The following GUCY1A2 variants were observed in gnomAD, a reference collection of about 807,000 sequenced individuals.
GUCY1A2 encodes the protein guanylate cyclase soluble subunit alpha-2.
Under a neutral mutation model 63.5 loss-of-function variants are expected in GUCY1A2, and 27 were observed. The ratio of observed to expected loss-of-function variants is 0.43; its 90% CI spans 0.31 to 0.59. The LOEUF (loss-of-function observed/expected upper bound fraction) is 0.59, where lower values mean the gene tolerates loss of function less well. Ranked by LOEUF, GUCY1A2 falls within the 20% of genes least tolerant of loss-of-function variation. The pLI is 0.11. For missense variants in GUCY1A2, 768 were observed against 913.3 expected (o/e 0.84, Z 2.05); for synonymous variants, 364 against 343.5 (o/e 1.06, Z -0.66).
chr11:106,824,740 C>T, intron 4 of GUCY1A2: 1 of 1,460,916 alleles, frequency 6.8e-7, no homozygotes, highest in East Asian at 2.5e-5. Flanking sequence ...TATTTAATCT[C>T]ATGAGAAAAC....
intron 3 of GUCY1A2, among the ~76,000 whole-genome samples, chr11:106,968,691 C>T (rs116371340): frequency 1.4e-4 from 3 of 20,734 alleles, no homozygotes; most frequent in African/African-American, 3.5e-4. Flanking sequence ...TTCTAACTGC[C>T]CTTTTCTACC....
intron 4 of GUCY1A2, among the ~76,000 whole-genome samples, chr11:106,834,791 G>A (rs1352314): frequency 0.047 from 7,201 of 152,080 alleles, 254 homozygotes; most frequent in Non-Finnish European, 0.072. Context: ...GAGGGTAAAT[G>A]CCAGTCTCTG....
At position 106,896,240 on chromosome 11, in the gene GUCY1A2, A is replaced by G. The variant is rs188267568; in HGVS notation, c.1206+43220T>C. 3.7e-4 allele frequency among the ~76,000 whole-genome samples: 57 copies of G among 152,176 alleles called. 1 individual carries two copies. The highest frequency in any genetic ancestry group is 1.3e-3 in the African/African-American group (52 of 41,540). On this transcript the variant is annotated intron_variant, in intron 4 of 7. Coordinates refer to ENST00000526355, the MANE Select transcript of GUCY1A2 (RefSeq NM_000855.3). ...AAACATCACATGATCATATCAACAG[A>G]TGCATAAAAAGCATCTGACAAAATC...
intron 6 of GUCY1A2, among the ~76,000 whole-genome samples, chr11:106,740,294 T>G (rs1863671271): frequency 6.6e-6 from 1 of 152,054 alleles, no homozygotes; most frequent in Non-Finnish European, 1.5e-5. Flanking sequence ...TCAGCCACCA[T>G]GCCCGGCCTG....
chr11:106,746,581 A>T (rs1863790879), intron 6 of GUCY1A2: 1 of 1,596,522 alleles, frequency 6.3e-7, no homozygotes, highest in Non-Finnish European at 8.5e-7. Context: ...TTTCACTTTG[A>T]TGCTGATCTG....
chr11:106,756,351 A>C (rs892555129), intron 6 of GUCY1A2, among the ~76,000 whole-genome samples: 1 of 152,176 alleles, frequency 6.6e-6, no homozygotes, highest in African/African-American at 2.4e-5. Flanking sequence ...TTTTACATTT[A>C]AGGTTAATAC....
rs565883139 is a variant in GUCY1A2 at position 106,854,555 on chromosome 11, G to A, written c.1207-44077C>T. Among the ~76,000 whole-genome samples, 35 of 152,138 alleles carry A rather than the reference G, an allele frequency of 2.3e-4. 1 individual carries two copies. The highest frequency in any genetic ancestry group is 3.2e-4 in the Non-Finnish European group (22 of 68,018). On this transcript the variant is annotated intron_variant, in intron 4 of 7. Coordinates refer to ENST00000526355, the MANE Select transcript of GUCY1A2 (RefSeq NM_000855.3). ...AAATAGTGCATACAGGCAAAGCGGGGTAGTACCACGTAAGGCGGACGAACC... is the reference window on the plus strand; with the variant it reads ...AAATAGTGCATACAGGCAAAGCGGGATAGTACCACGTAAGGCGGACGAACC...
chr11:106,794,433 C>T (rs7111759), intron 5 of GUCY1A2, among the ~76,000 whole-genome samples: 144,683 of 152,058 alleles, frequency 0.95, 68,882 homozygotes, highest in East Asian at 1. Context: ...GCATGCTGAC[C>T]ATAGTAACTA....
intron 1 of GUCY1A2, among the ~76,000 whole-genome samples, chr11:107,002,251 AAT>A (rs1201002229): frequency 6.6e-6 from 1 of 151,978 alleles, no homozygotes; most frequent in African/African-American, 2.4e-5. Context: ...ATACCGACAA[AAT>A]AGAGTCCTAT....
chr11:106,778,933 C>A (rs1864409865), intron 5 of GUCY1A2, among the ~76,000 whole-genome samples: 1 of 151,532 alleles, frequency 6.6e-6, no homozygotes. Context: ...ATGCTTCCAG[C>A]ATAAATATAC....
intron 6 of GUCY1A2, among the ~76,000 whole-genome samples, chr11:106,762,040 T>C (rs1011328763): frequency 6.6e-6 from 1 of 152,170 alleles, no homozygotes; most frequent in East Asian, 1.9e-4. Flanking sequence ...TACTTCATTA[T>C]ACTTTGGGTA....
chr11:106,956,002 T>C (rs1172918560), intron 3 of GUCY1A2, among the ~76,000 whole-genome samples: 2 of 151,924 alleles, frequency 1.3e-5, no homozygotes, highest in Non-Finnish European at 2.9e-5. Context: ...TTCTTTTTTC[T>C]CTATTCTTGT....
intron 1 of GUCY1A2, among the ~76,000 whole-genome samples, chr11:107,000,301 A>T (rs1390202669): frequency 1.3e-5 from 2 of 152,150 alleles, no homozygotes; most frequent in Admixed American, 1.3e-4. Flanking sequence ...GGAAACAATA[A>T]ATCTCTCTTC....
In GUCY1A2 at chr11:106,708,615, G is replaced by C. The variant is rs1407002811; in HGVS notation, c.1888C>G (p.Arg630Gly). 1 of 1,611,310 alleles carries C rather than the reference G, an allele frequency of 6.2e-7. No homozygotes were observed. The highest frequency in any genetic ancestry group is 8.5e-7 in the Non-Finnish European group (1 of 1,178,488). The change falls in exon 7 of 8, where the codon CGA becomes GGA. Residue 630 changes from arginine to glycine, a missense_variant. By Grantham distance (125) the Arg-to-Gly change is moderately radical (BLOSUM62 -2). This residue lies in a region of GUCY1A2 where 150 missense variants were observed against 188.3 expected (regional missense o/e 0.80). Coordinates refer to ENST00000526355, the MANE Select transcript of GUCY1A2 (RefSeq NM_000855.3). ...CCAAACAGGCAATAACGTGGCATTC[G>C]CACCCCAACAACTCCAGCCAGCACG... ...GSVLAGVVGV[R>G]MPRYCLFGNN...
chr11:107,007,409 T>C (rs1861685152), intron 1 of GUCY1A2, among the ~76,000 whole-genome samples: 1 of 152,210 alleles, frequency 6.6e-6, no homozygotes, highest in Non-Finnish European at 1.5e-5. Flanking sequence ...CTTTGGATTA[T>C]TGCAGCTTTC....
At chr11:106,905,924 C>T (rs566135925) in intron 4 of GUCY1A2, among the ~76,000 whole-genome samples, 4 of 152,188 alleles carry the variant, frequency 2.6e-5, no homozygotes, top group East Asian at 3.9e-4. Context: ...CTTGCTTACA[C>T]CTTATACAAA....
chr11:107,016,844 G>C (rs1184661493), intron 1 of GUCY1A2, among the ~76,000 whole-genome samples: 1 of 152,140 alleles, frequency 6.6e-6, no homozygotes, highest in East Asian at 1.9e-4. Flanking sequence ...GAAAGCACTA[G>C]AGAATCCATT....
chr11:106,983,330 A>C (rs1861361701), intron 2 of GUCY1A2, among the ~76,000 whole-genome samples: 1 of 152,228 alleles, frequency 6.6e-6, no homozygotes, highest in Admixed American at 6.5e-5. Context: ...GGATAAATTA[A>C]GGAACAGAAT....
intron 7 of GUCY1A2, among the ~76,000 whole-genome samples, chr11:106,688,562 A>C (rs1862567915): frequency 6.6e-6 from 1 of 152,210 alleles, no homozygotes; most frequent in Non-Finnish European, 1.5e-5. Context: ...GAATATAAGA[A>C]GTGGAACACA....
Sources: gnomAD v4.1 joint callset for allele counts (sites outside exome capture counted in the v4.1 genomes callset) on GRCh38, gnomAD v4.1.1 for gene constraint, gnomAD v4.1.1 regional missense constraint, MANE v1.5 for transcripts, NCBI Gene and HGNC (gene_info 2026-07-23, HGNC 2026-07-21) for gene names.